The following HNRNPUL2 variants were observed in gnomAD, a reference collection of about 807,000 sequenced individuals.
HNRNPUL2 encodes the protein heterogeneous nuclear ribonucleoprotein U like 2.
A neutral mutation model predicts 102.2 loss-of-function variants in HNRNPUL2; 27 were observed. That is an observed-to-expected ratio of 0.26 (90% CI 0.19 to 0.36). The LOEUF is 0.36. HNRNPUL2 is among the 10% of genes least tolerant of loss of function. The pLI is 1.00. For missense variants in HNRNPUL2, 936 were observed against 981.1 expected, an observed-to-expected ratio of 0.95 and a Z score of 0.61; for synonymous variants, 458 against 387.2, an observed-to-expected ratio of 1.18 and a Z score of -2.15.
At chr11:62,720,976 T>C (rs2165737) in intron 9 of HNRNPUL2, among the ~76,000 whole-genome samples, 108,374 of 151,868 alleles carry the variant, frequency 0.71, 39,561 homozygotes, top group Admixed American at 0.81. Context: ...ACAGGTATTA[T>C]CCTGTTTTGC....
At chr11:62,724,205 C>A (rs2083726386) in intron 2 of HNRNPUL2, 86 bp downstream of exon 2, 1 of 1,542,590 alleles carries the variant, frequency 6.5e-7, no homozygotes, top group Non-Finnish European at 8.9e-7. Context: ...TTTGAATCCA[C>A]CCTCCTTCCA....
chr11:62,718,624 C>T (rs936776023), intron 10 of HNRNPUL2, among the ~76,000 whole-genome samples: 12 of 139,682 alleles, frequency 8.6e-5, no homozygotes, highest in Non-Finnish European at 1.4e-4. Context: ...ACCCGGGAGG[C>T]GGAGGTTGCA....
chr11:62,722,566 CCTT>C, intron 6 of HNRNPUL2, 32 bp downstream of exon 6: 1 of 1,558,938 alleles, frequency 6.4e-7, no homozygotes, highest in South Asian at 1.1e-5. Flanking sequence ...TCTATCCGCT[CCTT>C]GTTATAACCC....
intron 10 of HNRNPUL2, among the ~76,000 whole-genome samples, chr11:62,718,694 T>TAAAA (rs11456076): frequency 2.0e-4 from 24 of 119,584 alleles, no homozygotes; most frequent in African/African-American, 3.2e-4. Context: ...ACTCTGTCTT[T>TAAAA]AAAAAAAAAA....
chr11:62,724,240 A>G, intron 2 of HNRNPUL2, 51 bp downstream of exon 2: 2 of 1,610,992 alleles, frequency 1.2e-6, no homozygotes, highest in Non-Finnish European at 1.7e-6. Context: ...TACCAGGTAT[A>G]CCAAAATCAG....
chr11:62,716,965 G>T lies in HNRNPUL2; in HGVS notation c.1981+24C>A, dbSNP rs892022028. On this transcript the variant is annotated intron_variant, in intron 11 of 13. Coordinates refer to ENST00000301785, the MANE Select transcript of HNRNPUL2 (RefSeq NM_001079559.3). The stretch of plus-strand genomic sequence containing the variant: ...GCACAAAGAATGGACTGAAGTAGGG[G>T]GCTGGCAGGTCCCCAAGACTCACCA... The T allele has an allele frequency of 2.5e-6, 4 of 1,610,954 alleles. No individual in the cohort carries two copies. The African/African-American group carries it at 5.3e-5, about 22-fold the overall frequency.
rs758230032 is a variant in HNRNPUL2, at chr11:62,713,224, G to A, written c.*2075C>T. ...TAAGGGCCCTAGCATCCCCATCCAT[G>A]TCACAGACTACAAGAAAGATGCTAT... On this transcript the variant is annotated 3_prime_UTR_variant, in exon 14 of 14. Transcript: ENST00000301785. 1.3e-5 allele frequency: 2 copies of A among 152,190 alleles called. No individual in the cohort carries two copies. Among genetic ancestry groups the A allele is most frequent in the South Asian group, 2.1e-4 (1 of 4,832 alleles). The allele number at this position is 152,190 out of a possible 1,614,324, so 9.4% of individuals were successfully genotyped here.
At chr11:62,716,248 T>C (rs368108016) in intron 11 of HNRNPUL2, among the ~76,000 whole-genome samples, 40 of 152,314 alleles carry the variant, frequency 2.6e-4, no homozygotes, top group African/African-American at 9.6e-4. Flanking sequence ...CTGCCATTCA[T>C]AGAATCAGAC....
At chr11:62,715,460 GCC>G in intron 13 of HNRNPUL2, 38 bp downstream of exon 13, 1 of 1,574,538 alleles carries the variant, frequency 6.4e-7, no homozygotes, top group Admixed American at 1.7e-5. Context: ...TTCTGCTCCT[GCC>G]CCCCTTCACC....
At position 62,722,265 on chromosome 11, in the gene HNRNPUL2, A is replaced by T. The variant is rs1305491643; in HGVS notation, c.1211T>A (p.Leu404His). 1 of 1,614,182 alleles carries T rather than the reference A, an allele frequency of 6.2e-7. No homozygotes were observed. Among genetic ancestry groups the T allele is most frequent in the South Asian group, 1.1e-5 (1 of 91,080 alleles). Residue 404 changes from leucine (L) to histidine (H), a missense_variant, in exon 7 of 14, where the codon CTC becomes CAC. Around this residue, in one of 2 missense-constraint regions of HNRNPUL2, gnomAD observed 609 missense variants for 713.0 expected, o/e 0.85. Transcript: ENST00000301785. ...TAATTCTACAACACAATTTTTGCAG[A>T]GGACATGGGGTAGAAGGGCCCGGTC... ...LADRALLPHV[L>H]CKNCVVELNF...
chr11:62,721,285 A>C lies in HNRNPUL2; in HGVS notation c.1611+10T>G, dbSNP rs201897596. On this transcript the variant is annotated intron_variant, in intron 9 of 13. Coordinates refer to ENST00000301785, the MANE Select transcript of HNRNPUL2 (RefSeq NM_001079559.3). The stretch of plus-strand genomic sequence containing the variant: ...CACCTTGACTCTAGGCAATTTTATC[A>C]GATTAATACCTGATCAAGAATAAAG... 3.8e-6 allele frequency: 6 copies of C among 1,597,698 alleles called. No homozygotes were observed. The highest frequency in any genetic ancestry group is 1.7e-4 in the Middle Eastern group (1 of 6,024).
Position 62,726,945 on chromosome 11 carries a change from G to C in HNRNPUL2, c.212C>G (p.Pro71Arg). 1 of 1,474,804 alleles carries C rather than the reference G, an allele frequency of 6.8e-7. No homozygotes were observed. The allele number at this position is 1,474,804 out of a possible 1,614,324, so 91.4% of individuals were successfully genotyped here. The change falls in exon 1 of 14, where the codon CCG (proline) becomes CGG (arginine). Residue 71 changes from proline to arginine, a missense_variant. Pro to Arg is a moderately radical substitution (Grantham distance 103). Transcript: ENST00000301785. ...TTCGTCCTCCTCCTCGTCCCCGCCC[G>C]GGCCGCCGCCCGACGCGGCCACAGG... The part of the protein sequence containing the change: ...PRPVAASGGG[P>R]GGDEEEDEEE...
At position 62,713,834 on chromosome 11, in the gene HNRNPUL2, G is replaced by A. The variant is rs1402413551; in HGVS notation, c.*1465C>T. ...AGCTCTTGGCTGACAGTGCTGAGCA[G>A]GAGGATGAATGAAAACTGAAGCTAG... is the stretch of plus-strand genomic sequence containing the variant. On this transcript the variant is annotated 3_prime_UTR_variant, in exon 14 of 14. Coordinates refer to ENST00000301785, the MANE Select transcript of HNRNPUL2 (RefSeq NM_001079559.3). 1 of 152,280 alleles carries A rather than the reference G, an allele frequency of 6.6e-6. No individual in the cohort carries two copies. Among genetic ancestry groups the A allele is most frequent in the Non-Finnish European group, 1.5e-5 (1 of 68,080 alleles). The allele number at this position is 152,280 out of a possible 1,614,324, so 9.4% of individuals were successfully genotyped here.
intron 8 of HNRNPUL2, 61 bp downstream of exon 8, chr11:62,721,759 T>C (rs2083704559): frequency 6.4e-7 from 1 of 1,559,424 alleles, no homozygotes; most frequent in East Asian, 2.2e-5. Context: ...AATTCTCCAT[T>C]AAAGATAGGT....
intron 2 of HNRNPUL2, 81 bp downstream of exon 2, chr11:62,724,210 C>T: frequency 1.9e-6 from 3 of 1,557,072 alleles, no homozygotes; most frequent in South Asian, 1.1e-5. Context: ...ATCCACCCTC[C>T]TTCCAGTCTC....
Position 62,722,123 on chromosome 11 carries a change from T to A in HNRNPUL2, c.1353A>T (p.Glu451Asp). The change falls in exon 7 of 14, where the codon GAA (glutamate) becomes GAT (aspartate). Residue 451 changes from glutamate (E) to aspartate (D), a missense_variant. By Grantham distance (45) the Glu-to-Asp change is conservative. Coordinates refer to ENST00000301785, the MANE Select transcript of HNRNPUL2 (RefSeq NM_001079559.3). ...CGTATACTGTTTGGCATACCTCACA[T>A]TCCTCTATGGTCTTGGGAGGGACTG... is the stretch of plus-strand genomic sequence containing the variant. ...RTAVPPKTIE[E>D]CEVILMVGLP... 6.2e-7 allele frequency: 1 copy of A among 1,613,462 alleles called. No homozygotes were observed. Among genetic ancestry groups the A allele is most frequent in the Non-Finnish European group, 8.5e-7 (1 of 1,179,574 alleles).
intron 10 of HNRNPUL2, among the ~76,000 whole-genome samples, chr11:62,718,564 G>A (rs1370698619): frequency 6.6e-6 from 1 of 151,772 alleles, no homozygotes; most frequent in South Asian, 2.1e-4. Flanking sequence ...AGCTGGGCGG[G>A]CACCTGTAAT....
intron 10 of HNRNPUL2, 24 bp from the exon 11 acceptor site, chr11:62,717,213 G>A: frequency 1.3e-6 from 2 of 1,594,032 alleles, no homozygotes; most frequent in Non-Finnish European, 1.7e-6. Context: ...AGAGAAGCTT[G>A]TGGGCCTGAA....
rs1169850192 is a variant in HNRNPUL2 at position 62,713,865 on chromosome 11, G to GA, written c.*1433dup. ...TGAATGAAAACTGAAGCTAGACATTGAAAGAGCATTCCATATCCCACCCAT... is the reference window on the plus strand; with the variant it reads ...TGAATGAAAACTGAAGCTAGACATTGAAAAGAGCATTCCATATCCCACCCAT... On this transcript the variant is annotated 3_prime_UTR_variant, in exon 14 of 14. Coordinates refer to ENST00000301785, the MANE Select transcript of HNRNPUL2 (RefSeq NM_001079559.3). 6.6e-6 allele frequency: 1 copy of GA among 152,250 alleles called. No homozygotes were observed. The highest frequency in any genetic ancestry group is 1.5e-5 in the Non-Finnish European group (1 of 68,088). The allele number at this position is 152,250 out of a possible 1,614,324, so 9.4% of individuals were successfully genotyped here.
Sources: gnomAD v4.1 joint callset for allele counts (sites outside exome capture counted in the v4.1 genomes callset) on GRCh38, gnomAD v4.1.1 for gene constraint, gnomAD v4.1.1 regional missense constraint, MANE v1.5 for transcripts, NCBI Gene and HGNC (gene_info 2026-07-23, HGNC 2026-07-21) for gene names.